Variants in NAV3 observed in about 807,000 individuals in gnomAD.
NAV3 encodes neuron navigator 3.
Under a neutral mutation model 244.7 loss-of-function variants are expected in NAV3, and 87 were observed. The observed-to-expected ratio is 0.36, with a 90% CI of 0.30 to 0.42. NAV3 has a LOEUF of 0.42. Ranked by LOEUF, NAV3 falls within the 20% of genes least tolerant of loss-of-function variation. The pLI is 1.00. For missense variants in NAV3, 2,663 were observed against 2,893.3 expected (o/e 0.92, Z 1.83); for synonymous variants, 1,126 against 1,042.2 (o/e 1.08, Z -1.55).
At chr12:77,592,563 C>T (rs1401160750) in intron 2 of NAV3, among the ~76,000 whole-genome samples, 1 of 152,124 alleles carries the variant, frequency 6.6e-6, no homozygotes, top group Non-Finnish European at 1.5e-5. Context: ...TGTAAAGCCT[C>T]AAGGGGTGAT....
intron 20 of NAV3, among the ~76,000 whole-genome samples, chr12:78,142,801 A>C (rs1267255258): frequency 3.3e-5 from 5 of 150,860 alleles, no homozygotes; most frequent in Admixed American, 2.7e-4. Flanking sequence ...GTGAGTAAAG[A>C]ATGGATTAGG....
intron 20 of NAV3, chr12:78,144,912 CAAAAAAAAAAAAAAAAAAAA>C (rs755345560): frequency 1.1e-4 from 7 of 66,300 alleles, no homozygotes; most frequent in East Asian, 7.5e-4. Context: ...GATCCTGTCT[CAAAAAAAAAAAAAAAAAAAA>C]AAAAAAAAAA....
intron 22 of NAV3, among the ~76,000 whole-genome samples, chr12:78,152,158 C>A (rs1443877374): frequency 1.3e-5 from 2 of 150,334 alleles, no homozygotes; most frequent in Non-Finnish European, 3.0e-5. Context: ...CATTTACTGA[C>A]TAAAAATAGA....
intron 4 of NAV3, among the ~76,000 whole-genome samples, chr12:77,967,450 A>G (rs950647126): frequency 1.3e-5 from 2 of 152,070 alleles, no homozygotes; most frequent in African/African-American, 4.8e-5. Flanking sequence ...AGAACAACTC[A>G]GAGGGTCATT....
At chr12:77,824,084 A>AT (rs930960569) in intron 2 of NAV3, among the ~76,000 whole-genome samples, 131 of 150,726 alleles carry the variant, frequency 8.7e-4, no homozygotes, top group Non-Finnish European at 1.2e-3. Flanking sequence ...CAGAGAGTAA[A>AT]TTTTTTTTTA....
chr12:77,804,971 T>G (rs1565820505), intron 2 of NAV3, among the ~76,000 whole-genome samples: 1 of 152,106 alleles, frequency 6.6e-6, no homozygotes, highest in East Asian at 1.9e-4. Context: ...CTCTCTGTTT[T>G]TCTATTATTG....
intron 5 of NAV3, among the ~76,000 whole-genome samples, chr12:77,968,952 G>A (rs959355730): frequency 6.6e-6 from 1 of 152,140 alleles, no homozygotes; most frequent in South Asian, 2.1e-4. Flanking sequence ...AGTGTGAAAT[G>A]TCTTTGGTGT....
chr12:78,156,422 T>A (rs189849868), intron 22 of NAV3, among the ~76,000 whole-genome samples: 248 of 152,260 alleles, frequency 1.6e-3, no homozygotes, highest in Non-Finnish European at 2.7e-3. Context: ...ACTGCCATTC[T>A]AATCATAAAC....
chr12:78,003,929 T>C (rs1873760174), intron 7 of NAV3, among the ~76,000 whole-genome samples: 1 of 152,214 alleles, frequency 6.6e-6, no homozygotes, highest in Admixed American at 6.5e-5. Context: ...CCCATTTATA[T>C]CCTGCTCACC....
chr12:77,959,290 C>A (rs1396976571), intron 3 of NAV3, among the ~76,000 whole-genome samples: 1 of 151,848 alleles, frequency 6.6e-6, no homozygotes, highest in Non-Finnish European at 1.5e-5. Context: ...TTTAAAAGAT[C>A]CTCGGTTAAT....
intron 22 of NAV3, among the ~76,000 whole-genome samples, chr12:78,149,742 T>G (rs1956999198): frequency 6.6e-6 from 1 of 151,874 alleles, no homozygotes; most frequent in South Asian, 2.1e-4. Context: ...TCCCCACCCC[T>G]CCCGCTGCTC....
At chr12:77,801,831 A>G (rs1592695592) in intron 2 of NAV3, among the ~76,000 whole-genome samples, 1 of 152,188 alleles carries the variant, frequency 6.6e-6, no homozygotes, top group Non-Finnish European at 1.5e-5. Context: ...GACTTGGTAC[A>G]TCAGAGACAT....
At chr12:77,971,004 A>G (rs1049455802) in intron 5 of NAV3, among the ~76,000 whole-genome samples, 7 of 152,080 alleles carry the variant, frequency 4.6e-5, no homozygotes, top group Admixed American at 1.3e-4. Context: ...TCCATGTGAA[A>G]TTTATTGTCT....
intron 1 of NAV3, among the ~76,000 whole-genome samples, chr12:77,922,377 G>A (rs1407469111): frequency 2.0e-5 from 3 of 152,070 alleles, no homozygotes; most frequent in Admixed American, 6.6e-5. Context: ...GGGCTCTTGT[G>A]AATGTTTTGG....
At chr12:78,111,324 C>T (rs1370682470) in intron 12 of NAV3, among the ~76,000 whole-genome samples, 1 of 152,022 alleles carries the variant, frequency 6.6e-6, no homozygotes, top group Non-Finnish European at 1.5e-5. Context: ...GTCAATACTA[C>T]TATAAGAACC....
intron 2 of NAV3, among the ~76,000 whole-genome samples, chr12:77,772,589 A>G (rs1043088710): frequency 3.9e-5 from 6 of 152,066 alleles, no homozygotes; most frequent in Admixed American, 3.9e-4. Flanking sequence ...TTATATTTTT[A>G]TATTATTTTG....
intron 12 of NAV3, among the ~76,000 whole-genome samples, chr12:78,113,154 G>C (rs1039823659): frequency 6.6e-6 from 1 of 152,212 alleles, no homozygotes; most frequent in African/African-American, 2.4e-5. Flanking sequence ...GGCTTTGCAG[G>C]GTACAGCCCC....
intron 2 of NAV3, among the ~76,000 whole-genome samples, chr12:77,679,742 G>C (rs1046153192): frequency 3.3e-4 from 50 of 152,170 alleles, no homozygotes; most frequent in African/African-American, 1.2e-3. Flanking sequence ...AGTGGGAAAA[G>C]ACAGCGTCAG....
intron 2 of NAV3, among the ~76,000 whole-genome samples, chr12:77,632,151 ATTC>A (rs1473421598): frequency 6.6e-6 from 1 of 152,174 alleles, no homozygotes; most frequent in East Asian, 1.9e-4. Flanking sequence ...TAATCATGCT[ATTC>A]TTCTGCTTAT....
Sources: gnomAD v4.1 joint callset for allele counts (sites outside exome capture counted in the v4.1 genomes callset) on GRCh38, gnomAD v4.1.1 for gene constraint, MANE v1.5 for transcripts, NCBI Gene and HGNC (gene_info 2026-07-23, HGNC 2026-07-21) for gene names.